The following ADAMTS2 variants were observed in gnomAD, a reference collection of about 807,000 sequenced individuals.
The protein encoded by ADAMTS2 is ADAM metallopeptidase with thrombospondin type 1 motif 2, also known as A disintegrin and metalloproteinase with thrombospondin motifs 2.
A neutral mutation model predicts 123.0 loss-of-function variants in ADAMTS2; 50 were observed. The ratio of observed to expected loss-of-function variants is 0.41; its 90% CI spans 0.32 to 0.51. The LOEUF (loss-of-function observed/expected upper bound fraction) is 0.51, where lower values mean the gene tolerates loss of function less well. Ranked by LOEUF, ADAMTS2 falls within the 20% of genes least tolerant of loss-of-function variation. The pLI, the probability that ADAMTS2 is intolerant of heterozygous loss-of-function variation, is 0.35. For synonymous variants in ADAMTS2, 678 were observed against 695.4 expected, an observed-to-expected ratio of 0.98 and a Z score of 0.39; for missense variants, 1,494 against 1,705.2, an observed-to-expected ratio of 0.88 and a Z score of 2.18.
At chr5:179,167,752 C>T (rs961435135) in intron 5 of ADAMTS2, among the ~76,000 whole-genome samples, 1 of 152,236 alleles carries the variant, frequency 6.6e-6, no homozygotes, top group South Asian at 2.1e-4. Context: ...GGGCAAGTTA[C>T]CTTACTTGTC....
rs375691778 is a variant in ADAMTS2, at chr5:179,310,806, G to A, written c.534+32961C>T. ...GGCCCTACTGCCCTGCCCTGGGGACGCAGAGGCATCAGGGCCTTAGTCCTC... is the reference window on the plus strand; with the variant it reads ...GGCCCTACTGCCCTGCCCTGGGGACACAGAGGCATCAGGGCCTTAGTCCTC... On this transcript the variant is annotated intron_variant, in intron 2 of 21. Transcript: ENST00000251582. 2.6e-5 allele frequency among the ~76,000 whole-genome samples: 4 copies of A among 152,220 alleles called. No individual in the cohort carries two copies. The East Asian group carries it at 7.7e-4, about 29-fold the overall frequency.
intron 3 of ADAMTS2, among the ~76,000 whole-genome samples, chr5:179,208,785 T>C (rs1764780876): frequency 6.6e-6 from 1 of 152,042 alleles, no homozygotes; most frequent in Non-Finnish European, 1.5e-5. Flanking sequence ...GGTCTCTGTG[T>C]CTAAGCCAGG....
intron 10 of ADAMTS2, among the ~76,000 whole-genome samples, chr5:179,142,574 A>G (rs1258754138): frequency 6.6e-6 from 1 of 152,240 alleles, no homozygotes; most frequent in Admixed American, 6.5e-5. Context: ...CAGTTAGTGA[A>G]GGCTAACAGT....
chr5:179,217,490 G>A (rs986806664), intron 3 of ADAMTS2, among the ~76,000 whole-genome samples: 9 of 152,170 alleles, frequency 5.9e-5, no homozygotes, highest in African/African-American at 2.4e-5. Context: ...GTTAGAGGGA[G>A]GAAAAGGTCA....
intron 20 of ADAMTS2, among the ~76,000 whole-genome samples, chr5:179,122,296 C>T (rs1022564314): frequency 2.2e-5 from 3 of 139,116 alleles, no homozygotes; most frequent in African/African-American, 8.0e-5. Flanking sequence ...TGGTTCTCCT[C>T]AAAGGTCACA....
chr5:179,270,865 G>A (rs1434416519), intron 3 of ADAMTS2, among the ~76,000 whole-genome samples: 1 of 152,198 alleles, frequency 6.6e-6, no homozygotes. Flanking sequence ...ATCAAGCAAA[G>A]GGGACTTGGC....
At position 179,343,975 on chromosome 5, in the gene ADAMTS2, A is replaced by G; in HGVS notation, c.326T>C (p.Leu109Pro). 2 of 1,612,702 alleles carry G rather than the reference A, an allele frequency of 1.2e-6. No individual in the cohort carries two copies. Among genetic ancestry groups the G allele is most frequent in the Non-Finnish European group, 1.7e-6 (2 of 1,179,874 alleles). The change falls in exon 2 of 22, where the codon CTC (leucine) becomes CCC (proline). Residue 109 changes from leucine to proline, a missense_variant. Leu to Pro is a moderately conservative substitution (Grantham distance 98). Around this residue, in one of 6 missense-constraint regions of ADAMTS2, gnomAD observed 237 missense variants for 233.7 expected, o/e 1.01. Coordinates refer to ENST00000251582, the MANE Select transcript of ADAMTS2 (RefSeq NM_014244.5). ...GGNEEEPGSH[L>P]FYNVTVFGRD... Reference sequence around the variant, plus strand: ...GCCAAAGACCGTGACATTGTAGAAGAGGTGACTGCCAGGCTCCTCCTCGTT... The same window carrying G: ...GCCAAAGACCGTGACATTGTAGAAGGGGTGACTGCCAGGCTCCTCCTCGTT...
chr5:179,129,847 A>G lies in ADAMTS2; in HGVS notation c.2457+85T>C. ...CACGCAGAGTGTCACCTGAAGGGTC[A>G]GGAGGCTCAGCGTCCCAGGCACCCC... On this transcript the variant is annotated intron_variant, in intron 16 of 21. Transcript: ENST00000251582. The surrounding 1 kb of genome is among the most constrained non-coding windows in gnomAD (Gnocchi z 4.1). 6.4e-7 allele frequency: 1 copy of G among 1,566,826 alleles called. No homozygotes were observed. The highest frequency in any genetic ancestry group is 1.1e-5 in the South Asian group (1 of 89,196).
chr5:179,280,370 T>C lies in ADAMTS2; in HGVS notation c.535-7306A>G, dbSNP rs546556978. On this transcript the variant is annotated intron_variant, in intron 2 of 21. Transcript: ENST00000251582. Reference sequence around the variant, plus strand: ...GGGGCCCTGGTTTCCAATGCGGTCATGGCCAGTCCTGCCCCCTTGCAGGCC... The same window carrying C: ...GGGGCCCTGGTTTCCAATGCGGTCACGGCCAGTCCTGCCCCCTTGCAGGCC... Among the ~76,000 whole-genome samples the C allele has an allele frequency of 2.0e-5, 3 of 152,302 alleles. No individual in the cohort carries two copies. The South Asian group carries it at 6.2e-4, about 32-fold the overall frequency.
Position 179,345,390 on chromosome 5 carries a change from G to T in ADAMTS2, c.-62C>A, listed in dbSNP as rs1757924639. 1.8e-6 allele frequency: 2 copies of T among 1,095,968 alleles called. No individual in the cohort carries two copies. Among genetic ancestry groups the T allele is most frequent in the Non-Finnish European group, 2.2e-6 (2 of 901,064 alleles). The allele number at this position is 1,095,968 out of a possible 1,614,324, so 67.9% of individuals were successfully genotyped here. A position where few individuals can be genotyped will look rare whatever the true frequency, so the allele number is the denominator to read the frequency against. On this transcript the variant is annotated 5_prime_UTR_variant, in exon 1 of 22. Transcript: ENST00000251582. This position sits in a 1 kb window ranked among gnomAD's most constrained non-coding sequence, Gnocchi z 7.5. ...CCGGCGCGAAAGTTCCCCGCGAGCCGCCCAGCCCACATCTGGGGGCAGCTG... is the reference window on the plus strand; with the variant it reads ...CCGGCGCGAAAGTTCCCCGCGAGCCTCCCAGCCCACATCTGGGGGCAGCTG...
chr5:179,329,928 C>T (rs900844553), intron 2 of ADAMTS2, among the ~76,000 whole-genome samples: 1 of 151,786 alleles, frequency 6.6e-6, no homozygotes, highest in Admixed American at 6.6e-5. Flanking sequence ...AGATCGAGAC[C>T]ATCCTGGCTA....
chr5:179,301,102 A>C (rs1756503057), intron 2 of ADAMTS2, among the ~76,000 whole-genome samples: 1 of 150,862 alleles, frequency 6.6e-6, no homozygotes, highest in South Asian at 2.1e-4. Flanking sequence ...AGAACCGCCT[A>C]CTGTGATCTG....
intron 2 of ADAMTS2, among the ~76,000 whole-genome samples, chr5:179,289,948 C>A (rs550931012): frequency 6.6e-6 from 1 of 152,170 alleles, no homozygotes; most frequent in African/African-American, 2.4e-5. Flanking sequence ...TGGGAGGAAA[C>A]GGGAGAGACA....
In ADAMTS2 at chr5:179,162,367, G is replaced by A. The variant is rs529301825; in HGVS notation, c.976-3488C>T. On this transcript the variant is annotated intron_variant, in intron 5 of 21. Transcript: ENST00000251582. This position sits in a 1 kb window ranked among gnomAD's most constrained non-coding sequence, Gnocchi z 5.1. The stretch of plus-strand genomic sequence containing the variant: ...GAGTAGGCAAGGTGTGAGGTGGGGG[G>A]CCTGCAGCGGCTGGAGCCCCCCTGC... Among the ~76,000 whole-genome samples the A allele has an allele frequency of 2.6e-3, 391 of 152,268 alleles. 1 individual carries two copies. Among genetic ancestry groups the A allele is most frequent in the Non-Finnish European group, 4.2e-3 (283 of 68,002 alleles).
At chr5:179,205,668 C>T (rs1181324980) in intron 4 of ADAMTS2, among the ~76,000 whole-genome samples, 1 of 152,122 alleles carries the variant, frequency 6.6e-6, no homozygotes, top group African/African-American at 2.4e-5. Flanking sequence ...TGAGGACTTC[C>T]CAAGATAATT....
At chr5:179,277,089 C>T (rs1373026164) in intron 2 of ADAMTS2, among the ~76,000 whole-genome samples, 1 of 152,080 alleles carries the variant, frequency 6.6e-6, no homozygotes, top group East Asian at 1.9e-4. Context: ...GGAAGGGCAC[C>T]CCTGCAGGCG....
Position 179,317,411 on chromosome 5 carries a change from G to A in ADAMTS2, c.534+26356C>T, listed in dbSNP as rs1041514384. 6.6e-6 allele frequency among the ~76,000 whole-genome samples: 1 copy of A among 152,226 alleles called. No homozygotes were observed. The highest frequency in any genetic ancestry group is 1.5e-5 in the Non-Finnish European group (1 of 68,042). On this transcript the variant is annotated intron_variant, in intron 2 of 21. Coordinates refer to ENST00000251582, the MANE Select transcript of ADAMTS2 (RefSeq NM_014244.5). The surrounding 1 kb of genome is among the most constrained non-coding windows in gnomAD (Gnocchi z 4.9). ...TTCCTGTCACCAACACAACAGGAAA[G>A]GAGCTTGAAGACCCAGGAGGCCACA...
chr5:179,206,700 G>C (rs892997808), intron 4 of ADAMTS2, among the ~76,000 whole-genome samples: 2 of 152,184 alleles, frequency 1.3e-5, no homozygotes, highest in Admixed American at 1.3e-4. Flanking sequence ...AAGACTGGAC[G>C]CCCCTCATCC....
At chr5:179,204,259 C>T (rs963816048) in intron 4 of ADAMTS2, among the ~76,000 whole-genome samples, 5 of 152,284 alleles carry the variant, frequency 3.3e-5, no homozygotes, top group Admixed American at 1.3e-4. Flanking sequence ...GTTCTGTGGA[C>T]GGTGGTGGCG....
Sources: allele counts gnomAD v4.1 joint callset (sites outside exome capture counted in the v4.1 genomes callset), GRCh38; gene constraint gnomAD v4.1.1; regional missense constraint gnomAD v4.1.1; non-coding constraint Gnocchi (gnomAD v3.1); transcripts MANE v1.5; gene names NCBI Gene and HGNC (gene_info 2026-07-23, HGNC 2026-07-21).